CUBN: variants seen among roughly 807,000 people sequenced by gnomAD.
CUBN encodes cubilin.
Under a neutral mutation model 405.3 loss-of-function variants are expected in CUBN, and 282 were observed. The ratio of observed to expected loss-of-function variants is 0.70; its 90% CI spans 0.63 to 0.77. CUBN has a LOEUF of 0.77. CUBN is among the 30% of genes least tolerant of loss of function. The probability of loss-of-function intolerance (pLI) is 0.00; values close to 1 mark genes in which losing one functional copy is unlikely to be tolerated. For missense variants in CUBN, 4,514 were observed against 4,475.2 expected (o/e 1.01, Z -0.25); for synonymous variants, 1,684 against 1,617.0 (o/e 1.04, Z -0.99).
chr10:17,010,166 C>T (rs1437276580), intron 28 of CUBN, among the ~76,000 whole-genome samples: 2 of 152,224 alleles, frequency 1.3e-5, no homozygotes, highest in Admixed American at 1.3e-4. Flanking sequence ...GGAGAATGCC[C>T]CAGCCCTTGA....
chr10:17,003,967 A>C (rs1486201194), intron 28 of CUBN, among the ~76,000 whole-genome samples: 1 of 152,184 alleles, frequency 6.6e-6, no homozygotes, highest in African/African-American at 2.4e-5. Flanking sequence ...AGTTCACACT[A>C]GTCTAGCTGG....
intron 64 of CUBN, among the ~76,000 whole-genome samples, chr10:16,834,419 C>T (rs937795903): frequency 4.6e-5 from 7 of 152,016 alleles, no homozygotes; most frequent in African/African-American, 7.3e-5. Flanking sequence ...GGTGTGTGGA[C>T]GATGGGCAAA....
At chr10:16,942,591 A>G (rs1320579564) in intron 36 of CUBN, among the ~76,000 whole-genome samples, 1 of 152,198 alleles carries the variant, frequency 6.6e-6, no homozygotes, top group Non-Finnish European at 1.5e-5. Flanking sequence ...AGTGCTGATG[A>G]GGATATGGAG....
chr10:16,841,327 CT>C (rs1305744476), intron 60 of CUBN, among the ~76,000 whole-genome samples: 9 of 152,114 alleles, frequency 5.9e-5, no homozygotes, highest in Non-Finnish European at 1.3e-4. Context: ...CTACTTTAAC[CT>C]CTGCACCGAC....
chr10:17,110,833 T>A lies in CUBN; in HGVS notation c.1015+86A>T. The stretch of plus-strand genomic sequence containing the variant: ...CAACTGCACTCAGCCAGAAATCATA[T>A]TTTAAATGGAGCACTAGATTCCGTA... On this transcript the variant is annotated intron_variant, in intron 9 of 66. Transcript: ENST00000377833. The A allele has an allele frequency of 3.1e-6, 5 of 1,594,886 alleles. No individual in the cohort carries two copies. In the South Asian group the frequency reaches 3.3e-5, roughly 11 times the overall value.
intron 43 of CUBN, among the ~76,000 whole-genome samples, chr10:16,924,350 A>G (rs1168472454): frequency 6.6e-6 from 1 of 152,110 alleles, no homozygotes; most frequent in Non-Finnish European, 1.5e-5. Context: ...GAAGTGACCA[A>G]AGCTCCTTCC....
chr10:17,116,368 G>A (rs1836898939), intron 6 of CUBN, among the ~76,000 whole-genome samples: 1 of 152,290 alleles, frequency 6.6e-6, no homozygotes, highest in South Asian at 2.1e-4. Context: ...TGGGAGCTAG[G>A]GGAGGAGGAG....
chr10:16,900,918 C>A, intron 52 of CUBN, 68 bp from the exon 53 acceptor site: 2 of 1,048,980 alleles, frequency 1.9e-6, no homozygotes, highest in Non-Finnish European at 2.9e-6. Flanking sequence ...AAGGCCCTTA[C>A]AAATCGTTTA....
chr10:17,059,139 GAA>G (rs1310127806), intron 22 of CUBN, among the ~76,000 whole-genome samples: 1 of 151,240 alleles, frequency 6.6e-6, no homozygotes, highest in Non-Finnish European at 1.5e-5. Context: ...TGTAAAGAAA[GAA>G]ATGAAAAAAC....
At chr10:16,953,358 G>A (rs886491405) in intron 32 of CUBN, among the ~76,000 whole-genome samples, 5 of 152,162 alleles carry the variant, frequency 3.3e-5, no homozygotes, top group East Asian at 1.9e-4. Context: ...TCTATGGTGC[G>A]TATTTGGGAG....
chr10:17,083,478 C>T (rs1836018340), intron 17 of CUBN, among the ~76,000 whole-genome samples: 1 of 122,566 alleles, frequency 8.2e-6, no homozygotes, highest in South Asian at 2.8e-4. Context: ...GTACTCTAGC[C>T]TGGGCAACAA....
chr10:16,913,926 G>C lies in CUBN; in HGVS notation c.7418C>G (p.Pro2473Arg), dbSNP rs1841806904. The C allele has an allele frequency of 1.9e-6, 3 of 1,614,000 alleles. No homozygotes were observed. In the African/African-American group the frequency reaches 4.0e-5, roughly 22 times the overall value. The change falls in exon 48 of 67, where the codon CCT becomes CGT. Residue 2473 changes from proline to arginine, a missense_variant. Pro to Arg is a moderately radical substitution (Grantham distance 103). This residue lies in a region of CUBN where 1,613 missense variants were observed against 1,542.8 expected (regional missense o/e 1.05). Transcript: ENST00000377833. ...FTSPNYPNPNPHGRICEWRIT... is the reference protein window; with the variant it reads ...FTSPNYPNPNRHGRICEWRIT... ...TCTCCACTCGCAGATCCGGCCATGA[G>C]GATTTGGGTTCGGGTAGTTGGGAGA...
intron 36 of CUBN, among the ~76,000 whole-genome samples, chr10:16,944,178 CAGAA>C (rs1384227157): frequency 5.3e-5 from 8 of 152,228 alleles, no homozygotes; most frequent in Admixed American, 5.2e-4. Context: ...AGTAACTGGT[CAGAA>C]AGATTGCACT....
chr10:17,113,970 T>C (rs1588651691), intron 8 of CUBN, 57 bp downstream of exon 8: 1 of 1,569,670 alleles, frequency 6.4e-7, no homozygotes, highest in Non-Finnish European at 8.7e-7. Flanking sequence ...AGAAAATTGG[T>C]TCTGGCACCT....
At chr10:17,026,639 A>AT (rs201169736) in intron 27 of CUBN, among the ~76,000 whole-genome samples, 2,693 of 149,100 alleles carry the variant, frequency 0.018, 32 homozygotes, top group Non-Finnish European at 0.022. Flanking sequence ...CTCAAAAAAA[A>AT]AAATAAATAA....
At chr10:17,010,619 A>T (rs181416008) in intron 28 of CUBN, among the ~76,000 whole-genome samples, 99 of 152,234 alleles carry the variant, frequency 6.5e-4, no homozygotes, top group African/African-American at 2.2e-3. Context: ...AGTTTGGATG[A>T]CAGAGCAAGA....
At chr10:17,050,599 A>T (rs904572668) in intron 22 of CUBN, among the ~76,000 whole-genome samples, 9 of 152,220 alleles carry the variant, frequency 5.9e-5, no homozygotes, top group African/African-American at 2.2e-4. Context: ...AGCATGTCAG[A>T]CAGGAGCTGC....
At chr10:16,918,204 A>G in intron 45 of CUBN, among the ~76,000 whole-genome samples, 1 of 152,166 alleles carries the variant, frequency 6.6e-6, no homozygotes, top group Non-Finnish European at 1.5e-5. Context: ...GCCCTGTAGT[A>G]TAGTTTCAAG....
intron 2 of CUBN, among the ~76,000 whole-genome samples, chr10:17,128,482 A>T (rs1351730665): frequency 6.6e-6 from 1 of 152,336 alleles, no homozygotes; most frequent in East Asian, 1.9e-4. Flanking sequence ...GTAAGGCAGG[A>T]GAATAACTGG....
Sources: allele counts gnomAD v4.1 joint callset (sites outside exome capture counted in the v4.1 genomes callset), GRCh38; gene constraint gnomAD v4.1.1; regional missense constraint gnomAD v4.1.1; transcripts MANE v1.5; gene names NCBI Gene and HGNC (gene_info 2026-07-23, HGNC 2026-07-21).